SIL1: variants seen among roughly 807,000 people sequenced by gnomAD.
The protein encoded by SIL1 is nucleotide exchange factor SIL1.
SIL1 carries 40 observed loss-of-function variants against 49.1 expected under a neutral mutation model. The observed-to-expected ratio is 0.81, with a 90% CI of 0.63 to 1.06. The LOEUF is 1.06. Among genes scored for constraint, SIL1 ranks in the 50% least tolerant of loss-of-function variants. The probability of loss-of-function intolerance (pLI) is 0.00; values close to 1 mark genes in which losing one functional copy is unlikely to be tolerated. For synonymous variants in SIL1, 253 were observed against 250.8 expected, an observed-to-expected ratio of 1.01 and a Z score of -0.08; for missense variants, 500 against 572.6, an observed-to-expected ratio of 0.87 and a Z score of 1.29.
At chr5:139,031,925 T>C (rs577189261) in intron 5 of SIL1, among the ~76,000 whole-genome samples, 13 of 152,370 alleles carry the variant, frequency 8.5e-5, no homozygotes, top group African/African-American at 3.1e-4. Context: ...ATATTCTTTG[T>C]TAGTATATAG....
At position 138,985,182 on chromosome 5, in the gene SIL1, T is replaced by A. The variant is rs77971922; in HGVS notation, c.768-33298A>T. ...TGGGGATATTTTAAGTATGTTCAAT[T>A]TTGAGAGTGCCAGAGTTAAGAAATG... On this transcript the variant is annotated intron_variant, in intron 7 of 9. Transcript: ENST00000394817. Among the ~76,000 whole-genome samples, 60 of 152,312 alleles carry A rather than the reference T, an allele frequency of 3.9e-4. 1 individual carries two copies. The East Asian group carries it at 0.011, about 28-fold the overall frequency.
In SIL1 at chr5:139,047,674, C is replaced by T. The variant is rs1334787981; in HGVS notation, c.353+3264G>A. 2.0e-5 allele frequency among the ~76,000 whole-genome samples: 3 copies of T among 152,190 alleles called. 1 individual carries two copies. The highest frequency in any genetic ancestry group is 7.2e-5 in the African/African-American group (3 of 41,426). On this transcript the variant is annotated intron_variant, in intron 4 of 9. Coordinates refer to ENST00000394817, the MANE Select transcript of SIL1 (RefSeq NM_022464.5). ...CTGTTCCTATTCCAGTGCTAAGGGG[C>T]CAGGAAGACACCATGAAATGGAATT... is the stretch of plus-strand genomic sequence containing the variant.
At chr5:139,052,536 T>C (rs1354741259) in intron 3 of SIL1, among the ~76,000 whole-genome samples, 10 of 152,024 alleles carry the variant, frequency 6.6e-5, no homozygotes, top group Non-Finnish European at 1.3e-4. Context: ...ATACAAAAAT[T>C]AGCCAAGTGT....
chr5:138,984,974 G>A (rs762001667), intron 7 of SIL1, among the ~76,000 whole-genome samples: 6 of 152,232 alleles, frequency 3.9e-5, no homozygotes, highest in Admixed American at 1.3e-4. Context: ...TGGCACAACG[G>A]CAGCAGTGGA....
At chr5:139,183,535 GGTGAA>G (rs1051851673) in intron 1 of SIL1, among the ~76,000 whole-genome samples, 1 of 152,214 alleles carries the variant, frequency 6.6e-6, no homozygotes, top group African/African-American at 2.4e-5. Flanking sequence ...TCCTAATGGA[GGTGAA>G]TACCCTGGAC....
intron 7 of SIL1, among the ~76,000 whole-genome samples, chr5:138,992,209 T>C (rs1025370068): frequency 1.3e-5 from 2 of 152,214 alleles, no homozygotes; most frequent in African/African-American, 4.8e-5. Context: ...CCTCCAGATA[T>C]CCAAGTCAAA....
In SIL1 at chr5:139,152,625, A is replaced by T. The variant is rs1751327621; in HGVS notation, c.-10-24772T>A. Among the ~76,000 whole-genome samples the T allele has an allele frequency of 2.0e-5, 3 of 150,182 alleles. No homozygotes were observed. The South Asian group carries it at 6.3e-4, about 32-fold the overall frequency. On this transcript the variant is annotated intron_variant, in intron 1 of 9. Coordinates refer to ENST00000394817, the MANE Select transcript of SIL1 (RefSeq NM_022464.5). ...GATAGAGTGAGACAACATCTTGGGA[A>T]AAAAAAAAAGAAAAGAAAAAAAAAA...
intron 4 of SIL1, among the ~76,000 whole-genome samples, chr5:139,047,607 A>G (rs1344205944): frequency 6.6e-6 from 1 of 152,256 alleles, no homozygotes; most frequent in African/African-American, 2.4e-5. Flanking sequence ...TATAAGCAAA[A>G]TACTCTAACA....
At chr5:139,028,147 A>T (rs533880677) in intron 5 of SIL1, among the ~76,000 whole-genome samples, 6 of 152,066 alleles carry the variant, frequency 3.9e-5, no homozygotes, top group African/African-American at 1.4e-4. Flanking sequence ...ATAAGAAACT[A>T]GTGACATCTG....
At chr5:139,150,757 T>G (rs780214385) in intron 1 of SIL1, among the ~76,000 whole-genome samples, 62 of 152,170 alleles carry the variant, frequency 4.1e-4, no homozygotes, top group Non-Finnish European at 7.6e-4. Context: ...AGCTAGAACG[T>G]GGGCTGCGGG....
At chr5:139,035,723 A>G in intron 5 of SIL1, 1 of 189,256 alleles carries the variant, frequency 5.3e-6, no homozygotes, top group Middle Eastern at 2.5e-3. Context: ...ATCTTGGCTC[A>G]CTGCAAGCTC....
At chr5:139,170,555 C>CA (rs1751732769) in intron 1 of SIL1, among the ~76,000 whole-genome samples, 4 of 150,126 alleles carry the variant, frequency 2.7e-5, no homozygotes, top group Middle Eastern at 3.5e-3. Context: ...TCTGCCCGGC[C>CA]GCGACCCCGT....
At chr5:139,101,127 G>A (rs6861341) in intron 3 of SIL1, among the ~76,000 whole-genome samples, 11,929 of 151,900 alleles carry the variant, frequency 0.079, 625 homozygotes, top group Non-Finnish European at 0.11. Flanking sequence ...CTCATCCACT[G>A]TGTACCTAGT....
intron 7 of SIL1, among the ~76,000 whole-genome samples, chr5:139,019,377 C>G (rs1228348070): frequency 6.6e-6 from 1 of 152,182 alleles, no homozygotes; most frequent in Admixed American, 6.5e-5. Flanking sequence ...TGTTTGGGAG[C>G]CTGCTGTTGG....
chr5:139,146,817 G>T (rs7721110), intron 1 of SIL1, among the ~76,000 whole-genome samples: 81,807 of 151,948 alleles, frequency 0.54, 23,296 homozygotes, highest in African/African-American at 0.72. Context: ...GAAACCACCC[G>T]TGAATTCTTG....
intron 7 of SIL1, among the ~76,000 whole-genome samples, chr5:139,015,220 G>A (rs921686025): frequency 3.9e-5 from 6 of 152,118 alleles, no homozygotes; most frequent in South Asian, 2.1e-4. Flanking sequence ...GCAGAATAAA[G>A]ATAGAAAAGA....
At chr5:139,064,023 T>C (rs1283300424) in intron 3 of SIL1, among the ~76,000 whole-genome samples, 1 of 152,204 alleles carries the variant, frequency 6.6e-6, no homozygotes, top group East Asian at 1.9e-4. Context: ...TGCCAAGATA[T>C]TGTACTTCAA....
chr5:139,195,420 G>C (rs1177728868), intron 1 of SIL1, among the ~76,000 whole-genome samples: 2 of 152,000 alleles, frequency 1.3e-5, no homozygotes, highest in African/African-American at 4.8e-5. Context: ...ACGGAGTCTC[G>C]CTCTGTCGCC....
At chr5:139,025,377 T>C (rs908870919) in intron 6 of SIL1, among the ~76,000 whole-genome samples, 1 of 152,092 alleles carries the variant, frequency 6.6e-6, no homozygotes, top group Non-Finnish European at 1.5e-5. Context: ...AATTACATAA[T>C]CTCTCTGTGC....
Sources: gnomAD v4.1 joint callset for allele counts (sites outside exome capture counted in the v4.1 genomes callset) on GRCh38, gnomAD v4.1.1 for gene constraint, MANE v1.5 for transcripts, NCBI Gene and HGNC (gene_info 2026-07-23, HGNC 2026-07-21) for gene names.